Variants in ZFAT observed in about 807,000 individuals in gnomAD.
ZFAT encodes the protein zinc finger and AT-hook domain containing.
A neutral mutation model predicts 117.7 loss-of-function variants in ZFAT; 64 were observed. The ratio of observed to expected loss-of-function variants is 0.54; its 90% CI spans 0.44 to 0.67. The LOEUF (loss-of-function observed/expected upper bound fraction) is 0.67. ZFAT is among the 30% of genes least tolerant of loss of function. The pLI is 0.00. For missense variants in ZFAT, 1,433 were observed against 1,584.5 expected (o/e 0.90, Z 1.62); for synonymous variants, 679 against 615.0 (o/e 1.10, Z -1.54).
In ZFAT at chr8:134,611,897, G is replaced by A. The variant is rs564965118; in HGVS notation, c.449-1242C>T. On this transcript the variant is annotated intron_variant, in intron 3 of 15. Transcript: ENST00000377838. ...TGTTGAAATACACTGAAGAGGGAAC[G>A]TGTCAGCCACAGAAAGAACAGCTAA... Among the ~76,000 whole-genome samples the A allele has an allele frequency of 6.3e-5, 3 of 47,456 alleles. No homozygotes were observed. In the East Asian group the frequency reaches 1.8e-3, roughly 29 times the overall value. 31.1% of individuals were successfully genotyped at this position (47,456 alleles called of 152,430 possible).
At chr8:134,825,740 G>C in the ZFAT span, among the ~76,000 whole-genome samples, 6 of 152,208 alleles carry the variant, frequency 3.9e-5, no homozygotes, top group Non-Finnish European at 8.8e-5. Flanking sequence ...TGGTCCTCAG[G>C]CTGGGCGCGG....
chr8:134,505,598 C>T (rs920493608), intron 15 of ZFAT, among the ~76,000 whole-genome samples: 1 of 152,114 alleles, frequency 6.6e-6, no homozygotes, highest in African/African-American at 2.4e-5. Flanking sequence ...GGCTGGCAAT[C>T]GCAATTTGCC....
At chr8:134,766,509 A>C in the ZFAT span, 5 of 152,250 alleles carry the variant, frequency 3.3e-5, no homozygotes, top group East Asian at 9.6e-4. Flanking sequence ...TCTGCTTCCA[A>C]ACCTGTCTGC....
intron 10 of ZFAT, among the ~76,000 whole-genome samples, chr8:134,571,456 C>T (rs569766202): frequency 7.8e-6 from 1 of 128,908 alleles, no homozygotes; most frequent in South Asian, 2.7e-4. Context: ...TCTGTGACCT[C>T]AAATGAGTTT....
At chr8:134,496,916 GC>G (rs1818482261) in intron 15 of ZFAT, among the ~76,000 whole-genome samples, 1 of 152,192 alleles carries the variant, frequency 6.6e-6, no homozygotes, top group South Asian at 2.1e-4. Context: ...CAATCCAACA[GC>G]TGAAGCTGAC....
At chr8:134,495,625 C>T (rs1300538878) in intron 15 of ZFAT, among the ~76,000 whole-genome samples, 1 of 152,184 alleles carries the variant, frequency 6.6e-6, no homozygotes, top group Non-Finnish European at 1.5e-5. Context: ...AAGCAATAAG[C>T]TCTGCCATGA....
intron 9 of ZFAT, among the ~76,000 whole-genome samples, chr8:134,584,326 T>C (rs1234938323): frequency 6.6e-6 from 1 of 152,164 alleles, no homozygotes; most frequent in Non-Finnish European, 1.5e-5. Flanking sequence ...CCTGTAACTC[T>C]CTACTAGCTG....
the ZFAT span, among the ~76,000 whole-genome samples, chr8:134,720,889 C>A: frequency 6.6e-5 from 10 of 152,296 alleles, no homozygotes; most frequent in East Asian, 1.9e-3. Context: ...TAGAGTTTTC[C>A]ATGCCCTTCA....
chr8:134,812,760 T>C, the ZFAT span, among the ~76,000 whole-genome samples: 2 of 152,142 alleles, frequency 1.3e-5, no homozygotes, highest in Non-Finnish European at 2.9e-5. Flanking sequence ...TCAATCGTAT[T>C]ATAGATATGC....
At chr8:134,647,242 T>C (rs1830951580) in intron 2 of ZFAT, among the ~76,000 whole-genome samples, 1 of 152,124 alleles carries the variant, frequency 6.6e-6, no homozygotes, top group Admixed American at 6.5e-5. Flanking sequence ...ATGTGATATA[T>C]AACATTTATA....
intron 1 of ZFAT, among the ~76,000 whole-genome samples, chr8:134,711,040 AAAC>A (rs1402262602): frequency 1.3e-5 from 2 of 152,246 alleles, no homozygotes; most frequent in African/African-American, 4.8e-5. Flanking sequence ...ACAGAACAAT[AAAC>A]AACGGCTGGC....
chr8:134,804,596 C>T, the ZFAT span, among the ~76,000 whole-genome samples: 1 of 152,238 alleles, frequency 6.6e-6, no homozygotes, highest in South Asian at 2.1e-4. Context: ...GTTATAAAGA[C>T]TAAAATTTCA....
At chr8:134,550,401 T>C (rs1823070296) in intron 11 of ZFAT, among the ~76,000 whole-genome samples, 1 of 150,384 alleles carries the variant, frequency 6.6e-6, no homozygotes, top group South Asian at 2.1e-4. Context: ...CAAACCTATC[T>C]TGGTTTTAAA....
chr8:134,553,226 G>C (rs978526222), intron 11 of ZFAT, among the ~76,000 whole-genome samples: 4 of 152,172 alleles, frequency 2.6e-5, no homozygotes, highest in African/African-American at 9.7e-5. Flanking sequence ...AAGCTTCTCA[G>C]CCGGTGCAGT....
chr8:134,816,418 C>T, the ZFAT span, among the ~76,000 whole-genome samples: 13 of 150,610 alleles, frequency 8.6e-5, no homozygotes, highest in African/African-American at 2.9e-4. Flanking sequence ...GAACATGGCC[C>T]AGAAAAATAA....
At chr8:134,575,480 G>T (rs1825232801) in intron 10 of ZFAT, among the ~76,000 whole-genome samples, 1 of 152,232 alleles carries the variant, frequency 6.6e-6, no homozygotes, top group Non-Finnish European at 1.5e-5. Flanking sequence ...CCCCTCCAGA[G>T]TTCCCAGAAG....
At chr8:134,707,789 C>G (rs939061256) in intron 1 of ZFAT, among the ~76,000 whole-genome samples, 1 of 152,226 alleles carries the variant, frequency 6.6e-6, no homozygotes, top group African/African-American at 2.4e-5. Flanking sequence ...GTGTTGAACA[C>G]AAAGGCATCC....
At chr8:134,646,947 A>C (rs1830931910) in intron 2 of ZFAT, among the ~76,000 whole-genome samples, 4 of 152,214 alleles carry the variant, frequency 2.6e-5, no homozygotes, top group Admixed American at 2.6e-4. Flanking sequence ...AGGTGGTTTC[A>C]CTGGTGAACT....
the ZFAT span, among the ~76,000 whole-genome samples, chr8:134,825,202 G>A: frequency 6.6e-6 from 1 of 152,162 alleles, no homozygotes; most frequent in Non-Finnish European, 1.5e-5. Context: ...CACTACTCCT[G>A]ACTCTTCACA....
Sources: allele counts gnomAD v4.1 joint callset (sites outside exome capture counted in the v4.1 genomes callset), GRCh38; gene constraint gnomAD v4.1.1; transcripts MANE v1.5; gene names NCBI Gene and HGNC (gene_info 2026-07-23, HGNC 2026-07-21).